The following PPP3CA variants were observed in gnomAD, a reference collection of about 807,000 sequenced individuals.
PPP3CA encodes protein phosphatase 3 catalytic subunit alpha.
Under a neutral mutation model 66.5 loss-of-function variants are expected in PPP3CA, and 14 were observed. The observed-to-expected ratio is 0.21, with a 90% CI of 0.14 to 0.33. PPP3CA has a LOEUF of 0.33. Ranked by LOEUF, PPP3CA falls within the 10% of genes least tolerant of loss-of-function variation. The pLI, the probability that PPP3CA is intolerant of heterozygous loss-of-function variation, is 1.00. For missense variants in PPP3CA, 317 were observed against 639.5 expected (o/e 0.50, Z 5.44); for synonymous variants, 232 against 226.2 (o/e 1.03, Z -0.23).
chr4:101,134,475 C>CA (rs1318589241), intron 2 of PPP3CA, among the ~76,000 whole-genome samples: 2 of 151,826 alleles, frequency 1.3e-5, no homozygotes, highest in Admixed American at 6.6e-5. Flanking sequence ...GGCCAACAAA[C>CA]AAAAAAAGCA....
At chr4:101,271,063 T>C (rs892228454) in intron 1 of PPP3CA, among the ~76,000 whole-genome samples, 5 of 151,980 alleles carry the variant, frequency 3.3e-5, no homozygotes, top group African/African-American at 1.2e-4. Context: ...TATGTTCACC[T>C]CCTCCTCCTC....
intron 1 of PPP3CA, among the ~76,000 whole-genome samples, chr4:101,258,375 GA>G (rs1377918267): frequency 6.6e-6 from 1 of 152,082 alleles, no homozygotes; most frequent in Non-Finnish European, 1.5e-5. Context: ...AAAGGAAAGA[GA>G]AGGGCTGGAC....
At chr4:101,235,230 T>C (rs191543971) in intron 1 of PPP3CA, among the ~76,000 whole-genome samples, 1 of 151,934 alleles carries the variant, frequency 6.6e-6, no homozygotes, top group East Asian at 1.9e-4. Flanking sequence ...ATCTAATTCA[T>C]TTTAGGTATG....
intron 1 of PPP3CA, among the ~76,000 whole-genome samples, chr4:101,339,540 T>TC (rs1334521081): frequency 6.6e-6 from 1 of 152,162 alleles, no homozygotes; most frequent in African/African-American, 2.4e-5. Flanking sequence ...CTTCTCATAC[T>TC]CCATGCCCTG....
At chr4:101,120,079 G>T (rs6820738) in intron 2 of PPP3CA, among the ~76,000 whole-genome samples, 70,609 of 151,876 alleles carry the variant, frequency 0.46, 19,951 homozygotes, top group African/African-American at 0.77. Context: ...TGAAAAATAA[G>T]TCTGACAAAG....
In PPP3CA at chr4:101,335,324, A is replaced by C. The variant is rs187134057; in HGVS notation, c.58+11415T>G. The stretch of plus-strand genomic sequence containing the variant: ...AGGCACAAGTGAAAGCAAGCAGAAG[A>C]GGCAGGTTTGGCTCTGGTCAAGTGA... On this transcript the variant is annotated intron_variant, in intron 1 of 13. Transcript: ENST00000394854. Among the ~76,000 whole-genome samples, 222 of 151,918 alleles carry C rather than the reference A, an allele frequency of 1.5e-3. 1 individual carries two copies. The highest frequency in any genetic ancestry group is 1.5e-3 in the South Asian group (7 of 4,788).
intron 1 of PPP3CA, among the ~76,000 whole-genome samples, chr4:101,206,378 A>AT (rs1725130992): frequency 6.6e-6 from 1 of 152,218 alleles, no homozygotes; most frequent in African/African-American, 2.4e-5. Context: ...TCAAACATGC[A>AT]TTTTTTAATC....
At chr4:101,204,635 CAAAAAAAA>C (rs55925064) in intron 1 of PPP3CA, among the ~76,000 whole-genome samples, 54,980 of 107,802 alleles carry the variant, frequency 0.51, 13,697 homozygotes, top group Middle Eastern at 0.68. Flanking sequence ...GACTCCATCT[CAAAAAAAA>C]AAAAAAAAAA....
chr4:101,050,897 TTC>T (rs943906764), intron 10 of PPP3CA, among the ~76,000 whole-genome samples: 3 of 152,132 alleles, frequency 2.0e-5, no homozygotes, highest in Admixed American at 2.0e-4. Flanking sequence ...ACAGTTAGAT[TTC>T]TCTCTGTAAA....
chr4:101,341,840 T>A (rs905671172), intron 1 of PPP3CA, among the ~76,000 whole-genome samples: 3 of 152,194 alleles, frequency 2.0e-5, no homozygotes, highest in African/African-American at 7.2e-5. Context: ...AAATTCTATA[T>A]CATGAATCAC....
intron 5 of PPP3CA, among the ~76,000 whole-genome samples, chr4:101,096,590 A>G (rs1449534948): frequency 6.6e-6 from 1 of 152,212 alleles, no homozygotes; most frequent in East Asian, 1.9e-4. Flanking sequence ...CCCCCTTTGA[A>G]GGAGGACACT....
intron 1 of PPP3CA, among the ~76,000 whole-genome samples, chr4:101,235,575 T>C (rs1038774621): frequency 5.3e-5 from 8 of 151,850 alleles, no homozygotes; most frequent in Non-Finnish European, 7.4e-5. Flanking sequence ...ATGAATTCCA[T>C]GAAGAAAGAT....
At chr4:101,049,667 T>C (rs867021104) in intron 10 of PPP3CA, among the ~76,000 whole-genome samples, 1 of 152,066 alleles carries the variant, frequency 6.6e-6, no homozygotes, top group East Asian at 1.9e-4. Flanking sequence ...TGGAACTTAA[T>C]TCTGGGCCCA....
chr4:101,124,570 T>C (rs535424177), intron 2 of PPP3CA, among the ~76,000 whole-genome samples: 6 of 149,822 alleles, frequency 4.0e-5, no homozygotes, highest in African/African-American at 1.5e-4. Context: ...GATCGTGCCA[T>C]TGCACTCCAG....
rs746829234 is a variant in PPP3CA, at chr4:101,196,092, C to T, written c.83G>A (p.Arg28Gln). ...ATCAAACACTTCTTTTGCTGTAAGC[C>T]GGTGACTTGGAGGAAATGGAACAGC... ...VKAVPFPPSHRLTAKEVFDND... is the reference protein window; with the variant it reads ...VKAVPFPPSHQLTAKEVFDND... Residue 28 changes from arginine to glutamine, a missense_variant, in exon 2 of 14, where the codon CGG becomes CAG. Around this residue, in one of 3 missense-constraint regions of PPP3CA, gnomAD observed 76 missense variants for 99.5 expected, o/e 0.76. Transcript: ENST00000394854. 9.3e-6 allele frequency: 15 copies of T among 1,613,872 alleles called. No homozygotes were observed. The highest frequency in any genetic ancestry group is 2.2e-5 in the East Asian group (1 of 44,858).
intron 13 of PPP3CA, among the ~76,000 whole-genome samples, chr4:101,027,078 C>G (rs1726689829): frequency 2.0e-5 from 3 of 152,050 alleles, no homozygotes; most frequent in African/African-American, 7.2e-5. Flanking sequence ...AGTGAGTACA[C>G]CAACTGGTGA....
rs531308531 is a variant in PPP3CA, at chr4:101,173,281, A to G, written c.259+22635T>C. Among the ~76,000 whole-genome samples the G allele has an allele frequency of 7.4e-4, 113 of 152,254 alleles. 1 individual carries two copies. Among genetic ancestry groups the G allele is most frequent in the Admixed American group, 5.9e-3 (90 of 15,276 alleles). On this transcript the variant is annotated intron_variant, in intron 2 of 13. Coordinates refer to ENST00000394854, the MANE Select transcript of PPP3CA (RefSeq NM_000944.5). The stretch of plus-strand genomic sequence containing the variant: ...AATGAGGAATAGATGGATGTGTGGT[A>G]GGCAGGGTGTTTATTTGGCCTGTGG...
chr4:101,116,158 A>G (rs942079236), intron 2 of PPP3CA, among the ~76,000 whole-genome samples: 5 of 151,916 alleles, frequency 3.3e-5, no homozygotes, highest in Admixed American at 1.3e-4. Context: ...AACTTCTTAT[A>G]CAAGTTTTTC....
intron 1 of PPP3CA, among the ~76,000 whole-genome samples, chr4:101,274,530 A>G (rs1727431492): frequency 6.6e-6 from 1 of 152,230 alleles, no homozygotes; most frequent in Non-Finnish European, 1.5e-5. Context: ...CTGTACAGAA[A>G]ATACTAAACC....
Sources: gnomAD v4.1 joint callset for allele counts (sites outside exome capture counted in the v4.1 genomes callset) on GRCh38, gnomAD v4.1.1 for gene constraint, gnomAD v4.1.1 regional missense constraint, MANE v1.5 for transcripts, NCBI Gene and HGNC (gene_info 2026-07-23, HGNC 2026-07-21) for gene names.